CNTN6: variants seen among roughly 807,000 people sequenced by gnomAD.
The protein encoded by CNTN6 is contactin 6.
A neutral mutation model predicts 122.8 loss-of-function variants in CNTN6; 137 were observed. The observed-to-expected ratio is 1.12, with a 90% CI of 0.97 to 1.29. The LOEUF (loss-of-function observed/expected upper bound fraction) is 1.29, where lower values mean the gene tolerates loss of function less well. CNTN6 is among the 50% of genes most tolerant of loss of function. The pLI, the probability that CNTN6 is intolerant of heterozygous loss-of-function variation, is 0.00. For synonymous variants in CNTN6, 570 were observed against 426.0 expected, an observed-to-expected ratio of 1.34 and a Z score of -4.16; for missense variants, 1,634 against 1,223.4, an observed-to-expected ratio of 1.34 and a Z score of -5.01.
chr3:1,272,725 G>C (rs1175541280), intron 4 of CNTN6, among the ~76,000 whole-genome samples: 2 of 152,078 alleles, frequency 1.3e-5, no homozygotes, highest in Non-Finnish European at 2.9e-5. Context: ...CAAACCACTG[G>C]CCTCCTTCTG....
intron 17 of CNTN6, among the ~76,000 whole-genome samples, chr3:1,382,478 C>CCAAT (rs1692049211): frequency 6.6e-6 from 1 of 152,122 alleles, no homozygotes; most frequent in Non-Finnish European, 1.5e-5. Flanking sequence ...TATTCTGTGT[C>CCAAT]TTAAAGCATA....
intron 11 of CNTN6, among the ~76,000 whole-genome samples, chr3:1,334,253 G>A (rs1047747366): frequency 6.6e-6 from 1 of 152,110 alleles, no homozygotes; most frequent in Non-Finnish European, 1.5e-5. Flanking sequence ...TTGAAGAGAA[G>A]CAAAAGGCAT....
chr3:1,167,148 CAAAA>C (rs1031341089), intron 2 of CNTN6, among the ~76,000 whole-genome samples: 6 of 151,194 alleles, frequency 4.0e-5, no homozygotes, highest in African/African-American at 1.5e-4. Flanking sequence ...GAGAATAAAA[CAAAA>C]ACAAACAAAC....
chr3:1,129,110 G>A (rs7646994), intron 1 of CNTN6, among the ~76,000 whole-genome samples: 64,339 of 151,814 alleles, frequency 0.42, 13,792 homozygotes, highest in East Asian at 0.46. Context: ...ACTACTTAGG[G>A]AGAAATAGAT....
rs549887450 is a variant in CNTN6, at chr3:1,301,900, A to C, written c.761+3909A>C. Reference sequence around the variant, plus strand: ...AAAAAGAATTTTATATATGCTTGCCAATAGTTTTCAGAAAACAAATTAAAT... The same window carrying C: ...AAAAAGAATTTTATATATGCTTGCCCATAGTTTTCAGAAAACAAATTAAAT... On this transcript the variant is annotated intron_variant, in intron 7 of 22. Transcript: ENST00000446702. Among the ~76,000 whole-genome samples, 143 of 152,314 alleles carry C rather than the reference A, an allele frequency of 9.4e-4. 1 individual carries two copies. Among genetic ancestry groups the C allele is most frequent in the African/African-American group, 3.4e-3 (140 of 41,582 alleles).
At chr3:1,304,385 A>G (rs568879926) in intron 7 of CNTN6, among the ~76,000 whole-genome samples, 1 of 152,164 alleles carries the variant, frequency 6.6e-6, no homozygotes, top group South Asian at 2.1e-4. Flanking sequence ...GACTTAACCA[A>G]TGTAAGTTGC....
intron 12 of CNTN6, among the ~76,000 whole-genome samples, chr3:1,363,727 G>A (rs1413607041): frequency 6.6e-6 from 1 of 151,896 alleles, no homozygotes; most frequent in Non-Finnish European, 1.5e-5. Context: ...GAACATGTGA[G>A]TGCAGATATT....
chr3:1,100,757 T>G (rs1252658552), intron 1 of CNTN6, among the ~76,000 whole-genome samples: 1 of 152,198 alleles, frequency 6.6e-6, no homozygotes, highest in African/African-American at 2.4e-5. Context: ...TTCTATAATT[T>G]ATATTGCTCT....
chr3:1,156,749 T>G (rs1414632914), intron 2 of CNTN6, among the ~76,000 whole-genome samples: 1 of 151,680 alleles, frequency 6.6e-6, no homozygotes, highest in East Asian at 1.9e-4. Flanking sequence ...AGTCTCGCTC[T>G]GTTGCCAAGG....
At chr3:1,126,427 C>T (rs1307290003) in intron 1 of CNTN6, among the ~76,000 whole-genome samples, 2 of 151,964 alleles carry the variant, frequency 1.3e-5, no homozygotes, top group East Asian at 3.9e-4. Flanking sequence ...TGACCTTTTC[C>T]AGTCAGTTTA....
At chr3:1,244,581 C>T (rs1230488412) in intron 4 of CNTN6, among the ~76,000 whole-genome samples, 1 of 152,194 alleles carries the variant, frequency 6.6e-6, no homozygotes, top group Non-Finnish European at 1.5e-5. Context: ...GGGGATTGAT[C>T]TCCCAAGGGA....
chr3:1,236,920 A>C (rs2094430050), intron 4 of CNTN6, among the ~76,000 whole-genome samples: 1 of 152,028 alleles, frequency 6.6e-6, no homozygotes, highest in Non-Finnish European at 1.5e-5. Context: ...CTCTACTAAA[A>C]AATACATAAA....
chr3:1,222,068 T>G (rs2094214414), intron 3 of CNTN6, among the ~76,000 whole-genome samples: 1 of 152,154 alleles, frequency 6.6e-6, no homozygotes, highest in South Asian at 2.1e-4. Context: ...TTATCTTGAA[T>G]TTTTTTGAGC....
intron 2 of CNTN6, among the ~76,000 whole-genome samples, chr3:1,195,486 G>A (rs944298047): frequency 6.6e-6 from 1 of 152,166 alleles, no homozygotes; most frequent in Non-Finnish European, 1.5e-5. Flanking sequence ...TTTTGATGAA[G>A]ACTTGTAAAT....
chr3:1,108,029 C>G (rs1255044620), intron 1 of CNTN6, among the ~76,000 whole-genome samples: 1 of 152,026 alleles, frequency 6.6e-6, no homozygotes, highest in Non-Finnish European at 1.5e-5. Context: ...CAGTGTTATG[C>G]AGAAAATTAC....
At chr3:1,386,927 G>A (rs1693075833) in intron 20 of CNTN6, among the ~76,000 whole-genome samples, 1 of 152,096 alleles carries the variant, frequency 6.6e-6, no homozygotes, top group South Asian at 2.1e-4. Context: ...TATTTGTCAT[G>A]TCCAAAAGAA....
At chr3:1,202,592 A>C (rs1305311975) in intron 2 of CNTN6, among the ~76,000 whole-genome samples, 1 of 150,290 alleles carries the variant, frequency 6.7e-6, no homozygotes, top group Non-Finnish European at 1.5e-5. Flanking sequence ...ATAAATACAA[A>C]TAAAATAAAA....
intron 2 of CNTN6, among the ~76,000 whole-genome samples, chr3:1,193,062 T>C (rs1308919430): frequency 3.3e-5 from 5 of 152,200 alleles, no homozygotes; most frequent in Admixed American, 3.3e-4. Flanking sequence ...TACATGTACA[T>C]TAATTTGCCT....
chr3:1,222,762 T>A (rs1199980166), intron 3 of CNTN6, among the ~76,000 whole-genome samples: 2 of 151,998 alleles, frequency 1.3e-5, no homozygotes, highest in Non-Finnish European at 2.9e-5. Flanking sequence ...ATAGATAAAC[T>A]TGTGACATGG....
Sources: allele counts gnomAD v4.1 joint callset (sites outside exome capture counted in the v4.1 genomes callset), GRCh38; gene constraint gnomAD v4.1.1; transcripts MANE v1.5; gene names NCBI Gene and HGNC (gene_info 2026-07-23, HGNC 2026-07-21).